Variants in CFAP95 observed in about 807,000 individuals in gnomAD.
CFAP95 encodes cilia- and flagella-associated protein 95.
chr9:69,846,255 G>T, the CFAP95 span, among the ~76,000 whole-genome samples: 58 of 152,120 alleles, frequency 3.8e-4, no homozygotes, highest in Non-Finnish European at 7.2e-4. Context: ...GGGATATGAG[G>T]TATAGGAACC....
At chr9:69,856,171 G>A in the CFAP95 span, among the ~76,000 whole-genome samples, 2 of 152,242 alleles carry the variant, frequency 1.3e-5, no homozygotes, top group East Asian at 3.9e-4. Flanking sequence ...TAATAATGAT[G>A]ATGATGATGA....
At chr9:69,822,125 G>T in the CFAP95 span, among the ~76,000 whole-genome samples, 5 of 152,078 alleles carry the variant, frequency 3.3e-5, no homozygotes, top group African/African-American at 1.2e-4. Flanking sequence ...AACTTTCCTG[G>T]CTCTGCTGTT....
the CFAP95 span, among the ~76,000 whole-genome samples, chr9:69,897,579 A>AT: frequency 5.3e-5 from 8 of 152,224 alleles, no homozygotes; most frequent in Non-Finnish European, 1.0e-4. Context: ...ATCCTATATG[A>AT]ATGAGTAGAA....
the CFAP95 span, among the ~76,000 whole-genome samples, chr9:69,845,116 T>C: frequency 4.3e-4 from 65 of 152,346 alleles, no homozygotes; most frequent in African/African-American, 1.5e-3. Context: ...TATCTTAAGC[T>C]GGTGGAGTTG....
At chr9:69,861,232 C>T in the CFAP95 span, among the ~76,000 whole-genome samples, 7 of 152,078 alleles carry the variant, frequency 4.6e-5, no homozygotes, top group African/African-American at 7.2e-5. Context: ...CCATTATAAT[C>T]GTATGGAGTC....
the CFAP95 span, among the ~76,000 whole-genome samples, chr9:69,849,114 CACTT>C: frequency 1.3e-5 from 2 of 152,194 alleles, no homozygotes; most frequent in Non-Finnish European, 2.9e-5. Flanking sequence ...TTCTTCATGA[CACTT>C]ACATTGCTGG....
chr9:69,843,199 G>A, the CFAP95 span, among the ~76,000 whole-genome samples: 2 of 152,036 alleles, frequency 1.3e-5, no homozygotes, highest in African/African-American at 4.8e-5. Context: ...CTGGCATGTA[G>A]TAGGAATTTT....
the CFAP95 span, among the ~76,000 whole-genome samples, chr9:69,850,197 T>C: frequency 6.6e-6 from 1 of 152,220 alleles, no homozygotes; most frequent in Non-Finnish European, 1.5e-5. Context: ...TGCTGTGTCA[T>C]AGAAGCTGAG....
the CFAP95 span, among the ~76,000 whole-genome samples, chr9:69,830,119 G>A: frequency 2.0e-5 from 3 of 152,160 alleles, no homozygotes; most frequent in African/African-American, 7.2e-5. Flanking sequence ...ATCTTGTTGT[G>A]GAAGAGTATG....
the CFAP95 span, among the ~76,000 whole-genome samples, chr9:69,822,694 TACAG>T: frequency 4.5e-4 from 69 of 152,320 alleles, no homozygotes; most frequent in Admixed American, 3.5e-3. Flanking sequence ...TTGTGAAAGT[TACAG>T]ACATCAATAG....
At chr9:69,829,291 C>A in the CFAP95 span, among the ~76,000 whole-genome samples, 1 of 152,216 alleles carries the variant, frequency 6.6e-6, no homozygotes, top group African/African-American at 2.4e-5. Flanking sequence ...GCCCTGACTA[C>A]ATTTTTCTTC....
the CFAP95 span, among the ~76,000 whole-genome samples, chr9:69,896,775 T>C: frequency 2.0e-5 from 3 of 152,058 alleles, no homozygotes; most frequent in South Asian, 2.1e-4. Context: ...GTCATCCCAA[T>C]GCTTTGGGAG....
the CFAP95 span, among the ~76,000 whole-genome samples, chr9:69,873,860 A>G: frequency 6.6e-6 from 1 of 152,248 alleles, no homozygotes; most frequent in South Asian, 2.1e-4. Flanking sequence ...CTTGTCATCC[A>G]GTCACATATG....
the CFAP95 span, among the ~76,000 whole-genome samples, chr9:69,857,735 C>T: frequency 2.0e-5 from 3 of 152,066 alleles, no homozygotes; most frequent in Non-Finnish European, 4.4e-5. Context: ...ACCATGTTGC[C>T]CAGGCTGGTC....
At chr9:69,873,126 G>C in the CFAP95 span, among the ~76,000 whole-genome samples, 2 of 152,132 alleles carry the variant, frequency 1.3e-5, no homozygotes, top group African/African-American at 4.8e-5. Context: ...ACAATCAGTA[G>C]GTCTTCCTAC....
At chr9:69,858,004 T>G in the CFAP95 span, 3 of 1,599,750 alleles carry the variant, frequency 1.9e-6, no homozygotes, top group Middle Eastern at 3.3e-4. Flanking sequence ...CTGCTACAAC[T>G]GTACAAAATG....
the CFAP95 span, among the ~76,000 whole-genome samples, chr9:69,905,418 C>A: frequency 6.6e-6 from 1 of 152,122 alleles, no homozygotes; most frequent in African/African-American, 2.4e-5. Flanking sequence ...TACAATGAAG[C>A]TTTTCTGAAG....
chr9:69,893,681 T>C, the CFAP95 span, among the ~76,000 whole-genome samples: 3 of 152,188 alleles, frequency 2.0e-5, no homozygotes, highest in Non-Finnish European at 4.4e-5. Context: ...AAAAATGAAG[T>C]ATAAAAGCCT....
At chr9:69,832,620 A>ATTTTTTTTTTTTTTTTTTTTTTT in the CFAP95 span, among the ~76,000 whole-genome samples, 10 of 11,350 alleles carry the variant, frequency 8.8e-4, 1 homozygote, top group Admixed American at 3.6e-3. Context: ...GTCTATTCGG[A>ATTTTTTTTTTTTTTTTTTTTTTT]TTTTTTTTTT....
Sources: allele counts gnomAD v4.1 joint callset (sites outside exome capture counted in the v4.1 genomes callset), GRCh38; gene constraint gnomAD v4.1.1; transcripts MANE v1.5; gene names NCBI Gene and HGNC (gene_info 2026-07-23, HGNC 2026-07-21).